The following INTS12 variants were observed in gnomAD, a reference collection of about 807,000 sequenced individuals.
The protein encoded by INTS12 is integrator complex subunit 12.
A neutral mutation model predicts 41.6 loss-of-function variants in INTS12; 13 were observed. That is an observed-to-expected ratio of 0.31 (90% CI 0.20 to 0.50). The LOEUF is 0.50. Among genes scored for constraint, INTS12 ranks in the 20% least tolerant of loss-of-function variants. The pLI is 0.98. For missense variants in INTS12, 432 were observed against 541.6 expected (o/e 0.80, Z 2.01); for synonymous variants, 199 against 191.4 (o/e 1.04, Z -0.33).
intron 5 of INTS12, 30 bp downstream of exon 5, chr4:105,693,268 AC>A (rs1253959228): frequency 3.9e-6 from 6 of 1,535,974 alleles, no homozygotes; most frequent in Non-Finnish European, 4.4e-6. Context: ...TTATAAAGTA[AC>A]AAAAGAATCT....
In INTS12 at chr4:105,707,500, A is replaced by T. The variant is rs140052930; in HGVS notation, c.-172+1138T>A. On this transcript the variant is annotated intron_variant, in intron 1 of 7. Coordinates refer to ENST00000340139, the MANE Select transcript of INTS12 (RefSeq NM_020395.4). ...AGTGGTCTTATCTCTCCTTCTACACAATTGTAGCCATTTCCAAGGTCCCTT... is the reference window on the plus strand; with the variant it reads ...AGTGGTCTTATCTCTCCTTCTACACTATTGTAGCCATTTCCAAGGTCCCTT... 1.1e-4 allele frequency among the ~76,000 whole-genome samples: 17 copies of T among 152,240 alleles called. No individual in the cohort carries two copies. The East Asian group carries it at 3.3e-3, about 29-fold the overall frequency.
chr4:105,702,894 C>T, intron 2 of INTS12: 2 of 984,324 alleles, frequency 2.0e-6, no homozygotes, highest in Non-Finnish European at 2.4e-6. Context: ...ACCTTTACTC[C>T]CCCTTTTCTG....
chr4:105,702,791 T>C, intron 2 of INTS12: 1 of 701,614 alleles, frequency 1.4e-6, no homozygotes, highest in Non-Finnish European at 1.8e-6. Flanking sequence ...GCCCTGACTT[T>C]TGTTTCCTCA....
At chr4:105,685,546 C>T (rs780980004) in intron 7 of INTS12, among the ~76,000 whole-genome samples, 42 of 152,080 alleles carry the variant, frequency 2.8e-4, no homozygotes, top group Non-Finnish European at 5.3e-4. Flanking sequence ...AAAAGTATTT[C>T]GTATTCATAT....
chr4:105,692,259 G>A (rs1243260944), intron 5 of INTS12, 124 bp from the exon 6 acceptor site: 24 of 840,812 alleles, frequency 2.9e-5, no homozygotes, highest in Non-Finnish European at 3.6e-5. Context: ...CAAGGCAGGC[G>A]GATCATTTGA....
chr4:105,703,859 C>T (rs1334949484), intron 1 of INTS12, 50 bp from the exon 2 acceptor site: 1 of 152,204 alleles, frequency 6.6e-6, no homozygotes, highest in Non-Finnish European at 1.5e-5. Flanking sequence ...GACTTCCTTC[C>T]AGCACATCTA....
At position 105,693,493 on chromosome 4, in the gene INTS12, A is replaced by G; in HGVS notation, c.310-7T>C. On this transcript the variant is annotated splice_region_variant and splice_polypyrimidine_tract_variant and intron_variant, in intron 4 of 7. Coordinates refer to ENST00000340139, the MANE Select transcript of INTS12 (RefSeq NM_020395.4). Reference sequence around the variant, plus strand: ...CAGTGATGTCTGATTTCATCTATAAAAAGCAGGCATCAGAAAATGATAAAG... The same window carrying G: ...CAGTGATGTCTGATTTCATCTATAAGAAGCAGGCATCAGAAAATGATAAAG... 10 of 1,599,840 alleles carry G rather than the reference A, an allele frequency of 6.3e-6. No individual in the cohort carries two copies. Among genetic ancestry groups the G allele is most frequent in the Non-Finnish European group, 8.6e-6 (10 of 1,168,796 alleles).
intron 6 of INTS12, 58 bp from the exon 7 acceptor site, chr4:105,686,896 TA>T: frequency 6.9e-7 from 1 of 1,457,848 alleles, no homozygotes. Flanking sequence ...TACAGAAAGA[TA>T]ATAATCCCTC....
intron 1 of INTS12, chr4:105,708,431 C>T (rs1437794135): frequency 1.0e-6 from 1 of 985,340 alleles, no homozygotes; most frequent in African/African-American, 1.7e-5. Flanking sequence ...GTCCGCATGT[C>T]CCGGCCCGCA....
intron 3 of INTS12, among the ~76,000 whole-genome samples, chr4:105,697,567 C>A (rs1731913133): frequency 6.6e-6 from 1 of 152,120 alleles, no homozygotes; most frequent in African/African-American, 2.4e-5. Context: ...AGAACACAGC[C>A]ACACCCATTC....
chr4:105,704,476 A>C (rs2149193325), intron 1 of INTS12, among the ~76,000 whole-genome samples: 1 of 152,372 alleles, frequency 6.6e-6, no homozygotes, highest in African/African-American at 2.4e-5. Context: ...CTCTGGGAGT[A>C]GGGTCTAGAA....
At chr4:105,700,794 G>C (rs573430260) in intron 2 of INTS12, among the ~76,000 whole-genome samples, 14 of 147,716 alleles carry the variant, frequency 9.5e-5, no homozygotes, top group Admixed American at 6.7e-4. Context: ...TAGCCAAGAT[G>C]GATAAAGATA....
At position 105,683,151 on chromosome 4, in the gene INTS12, G is replaced by A. The variant is rs147614165; in HGVS notation, c.971C>T (p.Ser324Leu). The A allele has an allele frequency of 2.1e-5, 34 of 1,614,100 alleles. No individual in the cohort carries two copies. The highest frequency in any genetic ancestry group is 3.3e-5 in the Admixed American group (2 of 60,004). ...TQNNTGKPAT[S>L]SANQKPVGLT... ...ACCCACAGGTTTCTGGTTAGCTGAC[G>A]AAGTAGCAGGTTTCCCAGTATTGTT... The change falls in exon 8 of 8, where the codon TCG (serine) becomes TTG (leucine). Residue 324 changes from serine (S) to leucine (L), a missense_variant. Physicochemically the swap from Ser to Leu is moderately radical, Grantham distance 145 (BLOSUM62 -2). Coordinates refer to ENST00000340139, the MANE Select transcript of INTS12 (RefSeq NM_020395.4).
At chr4:105,692,953 A>C (rs1458201286) in intron 5 of INTS12, among the ~76,000 whole-genome samples, 3 of 152,238 alleles carry the variant, frequency 2.0e-5, no homozygotes, top group African/African-American at 4.8e-5. Flanking sequence ...TGTATAAAAA[A>C]GTATAAATTT....
intron 6 of INTS12, among the ~76,000 whole-genome samples, chr4:105,688,481 C>A (rs1731569919): frequency 6.6e-6 from 1 of 152,170 alleles, no homozygotes; most frequent in Non-Finnish European, 1.5e-5. Context: ...AGTACACCTA[C>A]CTTCAACATC....
At chr4:105,683,896 C>T (rs1731413034) in intron 7 of INTS12, among the ~76,000 whole-genome samples, 2 of 152,064 alleles carry the variant, frequency 1.3e-5, no homozygotes, top group Admixed American at 6.6e-5. Context: ...GCAACAGTTA[C>T]AGGAGTACAA....
At chr4:105,689,243 A>G (rs1455103829) in intron 6 of INTS12, among the ~76,000 whole-genome samples, 1 of 152,226 alleles carries the variant, frequency 6.6e-6, no homozygotes, top group Non-Finnish European at 1.5e-5. Context: ...TCTTCCTACA[A>G]TGATGTGTAC....
rs779322467 is a variant in INTS12 at position 105,682,951 on chromosome 4, T to C, written c.1171A>G (p.Ser391Gly). The C allele has an allele frequency of 5.6e-6, 9 of 1,614,036 alleles. No homozygotes were observed. Among genetic ancestry groups the C allele is most frequent in the Non-Finnish European group, 7.6e-6 (9 of 1,180,000 alleles). Reference protein sequence around the residue: ...NVSKVGLPSPSSLVPGSSSQL... With the variant: ...NVSKVGLPSPGSLVPGSSSQL... Reference sequence around the variant, plus strand: ...CTGCTGCTTCCTGGAACTAAACTACTTGGACTAGGAAGACCTACTTTGCTG... The same window carrying C: ...CTGCTGCTTCCTGGAACTAAACTACCTGGACTAGGAAGACCTACTTTGCTG... Residue 391 changes from serine (S) to glycine (G), a missense_variant, in exon 8 of 8, where the codon AGT becomes GGT. Ser to Gly is a moderately conservative substitution (Grantham distance 56). Transcript: ENST00000340139.
chr4:105,687,100 A>G, intron 6 of INTS12: 1 of 399,022 alleles, frequency 2.5e-6, no homozygotes, highest in Non-Finnish European at 4.5e-6. Flanking sequence ...CCATTTTAAC[A>G]AGATAAAATT....
Sources: gnomAD v4.1 joint callset for allele counts (sites outside exome capture counted in the v4.1 genomes callset) on GRCh38, gnomAD v4.1.1 for gene constraint, MANE v1.5 for transcripts, NCBI Gene and HGNC (gene_info 2026-07-23, HGNC 2026-07-21) for gene names.